The following PDE4B variants were observed in gnomAD, a reference collection of about 807,000 sequenced individuals.
PDE4B encodes 3',5'-cyclic-AMP phosphodiesterase 4B.
PDE4B carries 20 observed loss-of-function variants against 82.2 expected under a neutral mutation model. That is an observed-to-expected ratio of 0.24 (90% confidence interval 0.17 to 0.35). The LOEUF is 0.35. Ranked by LOEUF, PDE4B falls within the 10% of genes least tolerant of loss-of-function variation. PDE4B has a pLI of 1.00. For synonymous variants in PDE4B, 320 were observed against 318.9 expected (o/e 1.00, Z -0.04); for missense variants, 655 against 907.2 (o/e 0.72, Z 3.57).
chr1:66,051,658 T>C (rs1328795092), intron 3 of PDE4B, among the ~76,000 whole-genome samples: 2 of 152,142 alleles, frequency 1.3e-5, no homozygotes, highest in Non-Finnish European at 2.9e-5. Flanking sequence ...ATTAAAATGC[T>C]ACTTTTGACC....
intron 3 of PDE4B, among the ~76,000 whole-genome samples, chr1:66,119,848 G>T (rs1160084635): frequency 2.6e-5 from 4 of 152,080 alleles, no homozygotes; most frequent in African/African-American, 9.7e-5. Context: ...GAGAGAATTT[G>T]GACCTTGGGA....
At chr1:65,846,469 A>G (rs1241040358) in intron 1 of PDE4B, among the ~76,000 whole-genome samples, 1 of 152,244 alleles carries the variant, frequency 6.6e-6, no homozygotes, top group African/African-American at 2.4e-5. Flanking sequence ...TGGTTGTGGC[A>G]TAGGAGGTAA....
At chr1:66,302,874 C>T (rs1657999216) in intron 7 of PDE4B, among the ~76,000 whole-genome samples, 1 of 152,150 alleles carries the variant, frequency 6.6e-6, no homozygotes, top group Admixed American at 6.6e-5. Flanking sequence ...CATACCTGCT[C>T]TTCTTGAGGT....
intron 3 of PDE4B, among the ~76,000 whole-genome samples, chr1:66,003,072 T>TA (rs1651953603): frequency 6.6e-6 from 1 of 152,126 alleles, no homozygotes; most frequent in African/African-American, 2.4e-5. Flanking sequence ...AGTTTTTTTT[T>TA]ATTTTTTGAA....
intron 1 of PDE4B, among the ~76,000 whole-genome samples, chr1:65,839,129 T>C (rs1211829042): frequency 1.3e-5 from 2 of 152,196 alleles, no homozygotes; most frequent in Non-Finnish European, 2.9e-5. Context: ...ACTTAAGTTA[T>C]GAAATAACAG....
At chr1:66,037,528 C>T (rs930992542) in intron 3 of PDE4B, among the ~76,000 whole-genome samples, 10 of 151,898 alleles carry the variant, frequency 6.6e-5, no homozygotes, top group East Asian at 1.9e-4. Context: ...GGAGTCATTA[C>T]GATTTTCTTT....
intron 3 of PDE4B, among the ~76,000 whole-genome samples, chr1:66,157,295 A>C (rs1389973483): frequency 1.3e-5 from 2 of 152,150 alleles, no homozygotes; most frequent in East Asian, 3.8e-4. Flanking sequence ...AGCCACCTTT[A>C]TTGTCACTTA....
intron 3 of PDE4B, among the ~76,000 whole-genome samples, chr1:66,120,201 G>C (rs1645681769): frequency 6.6e-6 from 1 of 152,148 alleles, no homozygotes; most frequent in Admixed American, 6.5e-5. Context: ...TAGATAACAT[G>C]ATCTCCAGCT....
chr1:65,856,549 A>G (rs530490099), intron 1 of PDE4B, among the ~76,000 whole-genome samples: 8 of 152,272 alleles, frequency 5.3e-5, no homozygotes, highest in African/African-American at 1.9e-4. Flanking sequence ...CATGGTGTAT[A>G]TGTGCCACAT....
intron 3 of PDE4B, among the ~76,000 whole-genome samples, chr1:66,067,479 G>A (rs1315898490): frequency 7.2e-5 from 11 of 151,978 alleles, no homozygotes; most frequent in African/African-American, 2.7e-4. Flanking sequence ...GGCTGCATAA[G>A]TGTCTTATTT....
chr1:66,056,925 C>T (rs938859920), intron 3 of PDE4B, among the ~76,000 whole-genome samples: 2 of 152,172 alleles, frequency 1.3e-5, no homozygotes, highest in African/African-American at 2.4e-5. Context: ...TAAGAGAATA[C>T]ATTTGTGTTG....
intron 7 of PDE4B, among the ~76,000 whole-genome samples, chr1:66,323,713 C>T (rs548380862): frequency 1.9e-4 from 29 of 152,242 alleles, no homozygotes; most frequent in African/African-American, 6.5e-4. Context: ...TTATTATTCT[C>T]ATTACACAGA....
At chr1:66,257,901 C>A (rs1439929950) in intron 6 of PDE4B, 38 bp downstream of exon 6, 6 of 1,357,442 alleles carry the variant, frequency 4.4e-6, no homozygotes, top group African/African-American at 2.9e-5. Flanking sequence ...GAATCCCTAA[C>A]ATAAAGGCAA....
intron 8 of PDE4B, among the ~76,000 whole-genome samples, chr1:66,342,751 A>G (rs965366642): frequency 2.1e-4 from 32 of 151,268 alleles, no homozygotes; most frequent in African/African-American, 7.3e-4. Flanking sequence ...AAACAAAACA[A>G]AGCTAAAATG....
intron 3 of PDE4B, among the ~76,000 whole-genome samples, chr1:65,996,399 GC>G (rs1480229542): frequency 6.6e-6 from 1 of 151,792 alleles, no homozygotes; most frequent in Non-Finnish European, 1.5e-5. Flanking sequence ...GTAAGAGCCT[GC>G]ATGAATCTGA....
intron 3 of PDE4B, among the ~76,000 whole-genome samples, chr1:66,022,213 G>GA (rs1348366735): frequency 2.6e-5 from 4 of 152,340 alleles, no homozygotes; most frequent in Non-Finnish European, 4.4e-5. Flanking sequence ...TTTGGGCTGA[G>GA]ACGATGGGGT....
chr1:66,286,666 G>A (rs1656699964), intron 7 of PDE4B, among the ~76,000 whole-genome samples: 1 of 152,108 alleles, frequency 6.6e-6, no homozygotes, highest in East Asian at 1.9e-4. Context: ...TGCCTATTTT[G>A]GCAACATAAA....
At chr1:66,255,219 G>A (rs1654115409) in intron 4 of PDE4B, among the ~76,000 whole-genome samples, 1 of 151,978 alleles carries the variant, frequency 6.6e-6, no homozygotes, top group African/African-American at 2.4e-5. Context: ...CAAGTAGCTA[G>A]GATTACAGGC....
intron 3 of PDE4B, among the ~76,000 whole-genome samples, chr1:66,176,717 T>C (rs2101373225): frequency 6.6e-6 from 1 of 152,358 alleles, no homozygotes; most frequent in East Asian, 1.9e-4. Context: ...AATAGTTCTA[T>C]TTAAAGTAAA....
Sources: allele counts gnomAD v4.1 joint callset (sites outside exome capture counted in the v4.1 genomes callset), GRCh38; gene constraint gnomAD v4.1.1; transcripts MANE v1.5; gene names NCBI Gene and HGNC (gene_info 2026-07-23, HGNC 2026-07-21).